Variants in EIF2B3 observed in about 807,000 individuals in gnomAD.
EIF2B3 encodes the protein eukaryotic translation initiation factor 2B subunit gamma.
A neutral mutation model predicts 54.1 loss-of-function variants in EIF2B3; 20 were observed. The observed-to-expected ratio is 0.37, with a 90% CI of 0.26 to 0.54. The LOEUF (loss-of-function observed/expected upper bound fraction) is 0.54, where lower values mean the gene tolerates loss of function less well. Among genes scored for constraint, EIF2B3 ranks in the 20% least tolerant of loss-of-function variants. The pLI is 0.86. For missense variants in EIF2B3, 448 were observed against 547.8 expected (o/e 0.82, Z 1.82); for synonymous variants, 153 against 188.1 (o/e 0.81, Z 1.52).
chr1:44,888,583 G>A (rs1488790059), intron 6 of EIF2B3, among the ~76,000 whole-genome samples: 2 of 151,944 alleles, frequency 1.3e-5, no homozygotes, highest in Non-Finnish European at 2.9e-5. Flanking sequence ...AAATTCTGAG[G>A]CTCATATTAA....
At chr1:44,953,889 G>A (rs1442620298) in intron 3 of EIF2B3, among the ~76,000 whole-genome samples, 2 of 152,110 alleles carry the variant, frequency 1.3e-5, no homozygotes, top group Non-Finnish European at 2.9e-5. Context: ...GAAAGCAAAA[G>A]GTTTTCAATT....
intron 5 of EIF2B3, among the ~76,000 whole-genome samples, chr1:44,900,321 C>A (rs754856563): frequency 1.3e-5 from 2 of 151,908 alleles, no homozygotes; most frequent in African/African-American, 4.8e-5. Flanking sequence ...CTGGCGGATA[C>A]CTGTAATCCC....
At chr1:44,877,203 A>C (rs1232655153) in intron 8 of EIF2B3, among the ~76,000 whole-genome samples, 11 of 145,360 alleles carry the variant, frequency 7.6e-5, no homozygotes, top group Admixed American at 2.0e-4. Context: ...AAAAAAAAAA[A>C]AAAAAAAAAA....
At chr1:44,898,558 T>C (rs1656055223) in intron 5 of EIF2B3, among the ~76,000 whole-genome samples, 1 of 152,036 alleles carries the variant, frequency 6.6e-6, no homozygotes, top group South Asian at 2.1e-4. Flanking sequence ...GGTCATTCTA[T>C]TTAATAAAAA....
chr1:44,930,142 T>C (rs1643883644), intron 4 of EIF2B3, among the ~76,000 whole-genome samples: 1 of 152,216 alleles, frequency 6.6e-6, no homozygotes, highest in African/African-American at 2.4e-5. Context: ...TACAGGCATT[T>C]TGCTTATCCA....
chr1:44,917,733 T>G (rs1643652345), intron 5 of EIF2B3, among the ~76,000 whole-genome samples: 1 of 150,136 alleles, frequency 6.7e-6, no homozygotes, highest in South Asian at 2.1e-4. Flanking sequence ...CACTTAGTAT[T>G]TATTTTGCCA....
At chr1:44,951,883 G>A (rs566133046) in intron 3 of EIF2B3, among the ~76,000 whole-genome samples, 1 of 149,042 alleles carries the variant, frequency 6.7e-6, no homozygotes, top group Non-Finnish European at 1.5e-5. Context: ...CGCTTCACAG[G>A]TTCAAGCAAT....
chr1:44,970,586 T>C (rs1187889087), intron 3 of EIF2B3, among the ~76,000 whole-genome samples: 1 of 152,210 alleles, frequency 6.6e-6, no homozygotes, highest in East Asian at 1.9e-4. Context: ...GTGTCATGCA[T>C]GGCACAGCTG....
chr1:44,982,918 A>T lies in EIF2B3; in HGVS notation c.-9-1741T>A, dbSNP rs542172464. Among the ~76,000 whole-genome samples the T allele has an allele frequency of 2.0e-5, 3 of 152,132 alleles. No individual in the cohort carries two copies. In the East Asian group the frequency reaches 5.8e-4, roughly 29 times the overall value. On this transcript the variant is annotated intron_variant, in intron 1 of 11. Transcript: ENST00000360403. Reference sequence around the variant, plus strand: ...GCTGGGATTATAGGCATGCACCACCACGCCCAGCTGCCCAGCTAATTTTGT... The same window carrying T: ...GCTGGGATTATAGGCATGCACCACCTCGCCCAGCTGCCCAGCTAATTTTGT...
chr1:44,931,987 T>C (rs1643900665), intron 4 of EIF2B3, among the ~76,000 whole-genome samples: 1 of 152,060 alleles, frequency 6.6e-6, no homozygotes, highest in Admixed American at 6.5e-5. Context: ...TGGCACATGC[T>C]GGTAATCCCA....
At chr1:44,959,804 T>C (rs1195143089) in intron 3 of EIF2B3, among the ~76,000 whole-genome samples, 1 of 152,204 alleles carries the variant, frequency 6.6e-6, no homozygotes, top group Non-Finnish European at 1.5e-5. Flanking sequence ...TGAATCTTCA[T>C]CCCTAGTGAG....
intron 6 of EIF2B3, among the ~76,000 whole-genome samples, chr1:44,896,910 G>A (rs549671498): frequency 4.6e-5 from 7 of 152,272 alleles, no homozygotes; most frequent in East Asian, 1.9e-4. Flanking sequence ...AAATTGGGGG[G>A]AAACTTGCTC....
intron 10 of EIF2B3, among the ~76,000 whole-genome samples, chr1:44,859,674 G>A (rs1246658699): frequency 6.6e-6 from 1 of 151,964 alleles, no homozygotes; most frequent in Non-Finnish European, 1.5e-5. Context: ...AAAAAGAAAA[G>A]AAAAGAAAAA....
At chr1:44,923,015 CTTTTTCAGATCCTT>C (rs1643783823) in intron 5 of EIF2B3, among the ~76,000 whole-genome samples, 1 of 151,554 alleles carries the variant, frequency 6.6e-6, no homozygotes. Flanking sequence ...CTGGCTAATT[CTTTTTCAGATCCTT>C]TGCTGTTAGC....
chr1:44,974,415 A>C (rs1029071982), intron 3 of EIF2B3, among the ~76,000 whole-genome samples: 3 of 151,250 alleles, frequency 2.0e-5, no homozygotes, highest in African/African-American at 7.3e-5. Flanking sequence ...TCGAGGTTAC[A>C]GTGAGCCGTG....
intron 4 of EIF2B3, among the ~76,000 whole-genome samples, chr1:44,932,926 C>T (rs1223471046): frequency 1.3e-5 from 2 of 152,136 alleles, no homozygotes; most frequent in Non-Finnish European, 2.9e-5. Context: ...GAGGATGTGT[C>T]CTACAGAAAA....
chr1:44,954,985 G>T (rs546999596), intron 3 of EIF2B3, among the ~76,000 whole-genome samples: 21 of 152,214 alleles, frequency 1.4e-4, no homozygotes, highest in Admixed American at 3.3e-4. Flanking sequence ...AAATCATGTG[G>T]TTTTTGTCAT....
At chr1:44,930,917 G>C (rs1643891381) in intron 4 of EIF2B3, among the ~76,000 whole-genome samples, 1 of 152,180 alleles carries the variant, frequency 6.6e-6, no homozygotes, top group South Asian at 2.1e-4. Context: ...TTACAGGTGT[G>C]AGCCACTGTG....
chr1:44,865,610 T>C (rs1654747551), intron 10 of EIF2B3, among the ~76,000 whole-genome samples: 1 of 152,128 alleles, frequency 6.6e-6, no homozygotes, highest in Non-Finnish European at 1.5e-5. Flanking sequence ...AGATGGAGTT[T>C]TGCTCTTGTT....
Sources: allele counts gnomAD v4.1 joint callset (sites outside exome capture counted in the v4.1 genomes callset), GRCh38; gene constraint gnomAD v4.1.1; transcripts MANE v1.5; gene names NCBI Gene and HGNC (gene_info 2026-07-23, HGNC 2026-07-21).